GALNTL5: variants seen among roughly 807,000 people sequenced by gnomAD.
The protein encoded by GALNTL5 is inactive polypeptide N-acetylgalactosaminyltransferase-like protein 5.
GALNTL5 carries 44 observed loss-of-function variants against 51.0 expected under a neutral mutation model. That is an observed-to-expected ratio of 0.86 (90% CI 0.68 to 1.11). The LOEUF is 1.11. Among genes scored for constraint, GALNTL5 ranks in the 50% least tolerant of loss-of-function variants. GALNTL5 has a pLI of 0.00. For missense variants in GALNTL5, 528 were observed against 531.8 expected (o/e 0.99, Z 0.07); for synonymous variants, 192 against 182.8 (o/e 1.05, Z -0.41).
chr7:151,990,422 T>G (rs2081412285), intron 5 of GALNTL5, among the ~76,000 whole-genome samples: 1 of 150,532 alleles, frequency 6.6e-6, no homozygotes, highest in South Asian at 2.1e-4. Flanking sequence ...CTACTAAAAA[T>G]ACAAAAATAT....
intron 6 of GALNTL5, among the ~76,000 whole-genome samples, chr7:152,004,069 A>G (rs906486179): frequency 2.0e-5 from 3 of 152,074 alleles, no homozygotes; most frequent in Non-Finnish European, 4.4e-5. Flanking sequence ...AGAGTCAGAA[A>G]TAAGCACGGA....
chr7:151,962,236 C>T (rs987661001), intron 1 of GALNTL5, among the ~76,000 whole-genome samples: 4 of 151,740 alleles, frequency 2.6e-5, no homozygotes, highest in African/African-American at 9.7e-5. Context: ...CTCCTGACCT[C>T]GTGATCCACC....
intron 1 of GALNTL5, among the ~76,000 whole-genome samples, chr7:151,965,614 C>A (rs575878043): frequency 1.3e-5 from 2 of 152,268 alleles, no homozygotes; most frequent in East Asian, 3.9e-4. Flanking sequence ...CATGGTGGCT[C>A]ACACCTGTAA....
intron 8 of GALNTL5, among the ~76,000 whole-genome samples, chr7:152,018,409 A>T (rs968205578): frequency 6.6e-6 from 1 of 152,230 alleles, no homozygotes; most frequent in Non-Finnish European, 1.5e-5. Context: ...CTCATTGTTT[A>T]AAATTGTATT....
intron 3 of GALNTL5, among the ~76,000 whole-genome samples, chr7:151,981,605 CCCTCCTTCCTTCCTTCCTT>C: frequency 1.0e-5 from 1 of 95,272 alleles, no homozygotes. Flanking sequence ...TTCCTTCCTT[CCCTCCTTCCTTCCTTCCTT>C]CCTTCCTCCC....
intron 3 of GALNTL5, among the ~76,000 whole-genome samples, chr7:151,979,305 G>A (rs1178863045): frequency 7.1e-6 from 1 of 140,174 alleles, no homozygotes; most frequent in South Asian, 2.3e-4. Flanking sequence ...AAGTAGAGAC[G>A]GGGTTTCACC....
chr7:151,994,943 G>C (rs1375075309), intron 5 of GALNTL5: 3 of 152,070 alleles, frequency 2.0e-5, no homozygotes, highest in African/African-American at 7.3e-5. Context: ...TTTTTTAGTA[G>C]AGACGGGGTT....
chr7:152,000,750 T>G (rs145419478), intron 5 of GALNTL5, among the ~76,000 whole-genome samples: 1,586 of 152,332 alleles, frequency 0.01, 34 homozygotes, highest in African/African-American at 0.036. Context: ...CTCTTGCGCA[T>G]TTTAAATCAG....
chr7:151,957,574 A>T (rs12534286), intron 1 of GALNTL5, among the ~76,000 whole-genome samples: 30,608 of 149,704 alleles, frequency 0.2, 3,681 homozygotes, highest in Admixed American at 0.31. Context: ...AAGAAAAAAA[A>T]AAAGAAAGAA....
chr7:151,986,532 C>A (rs908042953), intron 4 of GALNTL5, among the ~76,000 whole-genome samples: 1 of 151,884 alleles, frequency 6.6e-6, no homozygotes, highest in Non-Finnish European at 1.5e-5. Flanking sequence ...CTACTCAGGA[C>A]ATTGAGGCAC....
chr7:152,016,247 A>C (rs2081811915), intron 8 of GALNTL5, among the ~76,000 whole-genome samples: 1 of 152,128 alleles, frequency 6.6e-6, no homozygotes, highest in African/African-American at 2.4e-5. Flanking sequence ...TCTACTAAAA[A>C]TACAAAATTA....
chr7:152,018,027 A>G (rs997624644), intron 8 of GALNTL5, among the ~76,000 whole-genome samples: 5 of 151,918 alleles, frequency 3.3e-5, no homozygotes, highest in African/African-American at 1.2e-4. Context: ...TATATTTTTA[A>G]CAGAGACGGG....
chr7:151,985,461 C>T (rs2081349656), intron 4 of GALNTL5, among the ~76,000 whole-genome samples: 1 of 152,130 alleles, frequency 6.6e-6, no homozygotes, highest in African/African-American at 2.4e-5. Flanking sequence ...TTCACGGTGA[C>T]TTCATCATGG....
At chr7:151,970,593 C>T (rs1343488228) in intron 2 of GALNTL5, 1 of 202,698 alleles carries the variant, frequency 4.9e-6, no homozygotes, top group African/African-American at 2.4e-5. Context: ...TCCTTGCTCC[C>T]TCTCTCACCA....
At chr7:151,961,056 G>T (rs1485166141) in intron 1 of GALNTL5, among the ~76,000 whole-genome samples, 1 of 152,200 alleles carries the variant, frequency 6.6e-6, no homozygotes, top group Non-Finnish European at 1.5e-5. Flanking sequence ...GCCAAGCATG[G>T]GGGCGTGTGC....
intron 7 of GALNTL5, among the ~76,000 whole-genome samples, chr7:152,014,160 T>C (rs768290341): frequency 6.6e-6 from 1 of 152,244 alleles, no homozygotes; most frequent in Non-Finnish European, 1.5e-5. Context: ...AACCAATCTA[T>C]GTGTTAGTTT....
At chr7:152,003,026 G>T (rs533269008) in intron 6 of GALNTL5, 63 bp downstream of exon 6, 4 of 1,420,062 alleles carry the variant, frequency 2.8e-6, no homozygotes, top group Non-Finnish European at 3.9e-6. Context: ...GGGGGAAAAA[G>T]CCTCCAGAGA....
intron 1 of GALNTL5, among the ~76,000 whole-genome samples, chr7:151,965,569 A>C (rs1396039414): frequency 2.6e-5 from 4 of 152,182 alleles, no homozygotes; most frequent in African/African-American, 9.7e-5. Context: ...TTCAGAGCTT[A>C]ATTAAAAAAT....
intron 8 of GALNTL5, among the ~76,000 whole-genome samples, chr7:152,016,420 AT>A (rs1433930421): frequency 1.3e-5 from 2 of 151,802 alleles, no homozygotes; most frequent in East Asian, 3.9e-4. Flanking sequence ...AAAAAAAAAA[AT>A]CTTATGGGCC....
Sources: allele counts gnomAD v4.1 joint callset (sites outside exome capture counted in the v4.1 genomes callset), GRCh38; gene constraint gnomAD v4.1.1; transcripts MANE v1.5; gene names NCBI Gene and HGNC (gene_info 2026-07-23, HGNC 2026-07-21).